ARID1B: variants seen among roughly 807,000 people sequenced by gnomAD.
The protein encoded by ARID1B is AT-rich interactive domain-containing protein 1B.
A neutral mutation model predicts 212.3 loss-of-function variants in ARID1B; 30 were observed. That is an observed-to-expected ratio of 0.14 (90% confidence interval 0.11 to 0.19). ARID1B has a LOEUF of 0.19. ARID1B is among the 10% of genes least tolerant of loss of function. The pLI is 1.00. For synonymous variants in ARID1B, 1,402 were observed against 1,301.7 expected (o/e 1.08, Z -1.66); for missense variants, 2,891 against 3,204.0 (o/e 0.90, Z 2.36).
chr6:157,106,171 C>T lies in ARID1B; in HGVS notation c.2492-4301C>T, dbSNP rs367931317. Among the ~76,000 whole-genome samples, 34 of 152,182 alleles carry T rather than the reference C, an allele frequency of 2.2e-4. No homozygotes were observed. In the East Asian group the frequency reaches 3.5e-3, roughly 16 times the overall value. On this transcript the variant is annotated intron_variant, in intron 5 of 19. Coordinates refer to ENST00000636930, the MANE Select transcript of ARID1B (RefSeq NM_001374828.1). The stretch of plus-strand genomic sequence containing the variant: ...TGTTGAGTAAACTATGGAGCACTCA[C>T]ATAAAGGGGTGCTGGGGAGCCCAGG...
In ARID1B at chr6:156,777,980, G is replaced by C. The variant is rs1338360290; in HGVS notation, c.300G>C (p.Lys100Asn). ...AAAAAGTHSAKSGGSEAALKE... is the reference protein window; with the variant it reads ...AAAAAGTHSANSGGSEAALKE... ...CCGCCGCCGGCACCCACAGCGCCAA[G>C]AGCGGCGGCTCCGAGGCGGCTCTCA... The change falls in exon 1 of 20, where the codon AAG (lysine) becomes AAC (asparagine). Residue 100 changes from lysine to asparagine, a missense_variant. Physicochemically the swap from Lys to Asn is moderately conservative, Grantham distance 94. This residue lies in a region of ARID1B where 1,643 missense variants were observed against 1,544.0 expected (regional missense o/e 1.06). Coordinates refer to ENST00000636930, the MANE Select transcript of ARID1B (RefSeq NM_001374828.1). 2 of 1,531,290 alleles carry C rather than the reference G, an allele frequency of 1.3e-6. No homozygotes were observed. Among genetic ancestry groups the C allele is most frequent in the Non-Finnish European group, 1.7e-6 (2 of 1,144,938 alleles). 94.9% of individuals were successfully genotyped at this position (1,531,290 alleles called of 1,614,324 possible).
intron 4 of ARID1B, chr6:157,072,603 T>C (rs1001126219): frequency 4.6e-5 from 7 of 152,342 alleles, no homozygotes; most frequent in African/African-American, 9.6e-5. Context: ...TTCTATATAC[T>C]TTTAAATTGC....
At chr6:157,048,668 T>C (rs1782395431) in intron 4 of ARID1B, among the ~76,000 whole-genome samples, 1 of 152,210 alleles carries the variant, frequency 6.6e-6, no homozygotes, top group Non-Finnish European at 1.5e-5. Context: ...AAGTTCTAAA[T>C]AATAAGAGTA....
chr6:157,000,185 C>T (rs1244397092), intron 4 of ARID1B, among the ~76,000 whole-genome samples: 1 of 152,098 alleles, frequency 6.6e-6, no homozygotes, highest in Admixed American at 6.6e-5. Context: ...ACTGGAGATG[C>T]GTCCTGGGAG....
In ARID1B at chr6:157,035,494, A is replaced by G. The variant is rs117219737; in HGVS notation, c.2248-49168A>G. ...CAGGGCTTGGGAAATTCAAACATGT[A>G]ATCTTTTTTCCTTTTCTTAAATGAA... On this transcript the variant is annotated intron_variant, in intron 4 of 19. Transcript: ENST00000636930. 1.9e-3 allele frequency among the ~76,000 whole-genome samples: 288 copies of G among 152,314 alleles called. 7 individuals carry two copies. The East Asian group carries it at 0.045, about 24-fold the overall frequency.
chr6:157,047,939 A>G (rs193167054), intron 4 of ARID1B, among the ~76,000 whole-genome samples: 1 of 152,350 alleles, frequency 6.6e-6, no homozygotes, highest in African/African-American at 2.4e-5. Context: ...CTGTGATCAT[A>G]TTAGTAATCA....
intron 13 of ARID1B, among the ~76,000 whole-genome samples, chr6:157,187,888 G>A (rs953150092): frequency 1.3e-5 from 2 of 151,886 alleles, no homozygotes; most frequent in African/African-American, 4.8e-5. Context: ...GGAGGCTGTC[G>A]GCTGGAGCGG....
At chr6:157,024,783 A>G (rs903421960) in intron 4 of ARID1B, 1 of 151,832 alleles carries the variant, frequency 6.6e-6, no homozygotes, top group South Asian at 2.1e-4. Context: ...AAAACAAAAA[A>G]GAAAAAAAAA....
chr6:156,875,994 T>C (rs1358385224), intron 2 of ARID1B, among the ~76,000 whole-genome samples: 1 of 152,242 alleles, frequency 6.6e-6, no homozygotes, highest in Non-Finnish European at 1.5e-5. Flanking sequence ...AAGTGTACTG[T>C]TGAATATTCC....
intron 2 of ARID1B, among the ~76,000 whole-genome samples, chr6:156,847,396 G>A (rs1230190771): frequency 6.6e-6 from 1 of 152,208 alleles, no homozygotes; most frequent in Non-Finnish European, 1.5e-5. Flanking sequence ...CTCAGGAAGT[G>A]CTGCTCAGGG....
chr6:156,915,542 T>A (rs1582940862), intron 3 of ARID1B, among the ~76,000 whole-genome samples: 3 of 150,500 alleles, frequency 2.0e-5, no homozygotes, highest in Middle Eastern at 3.5e-3. Context: ...CACTGCAGCC[T>A]CGGTGACAGA....
intron 4 of ARID1B, chr6:156,942,618 A>G: frequency 6.6e-6 from 1 of 151,734 alleles, no homozygotes. Flanking sequence ...TATGCTAAAA[A>G]GAAAAAAAAA....
chr6:157,029,467 A>G (rs961264107), intron 4 of ARID1B, among the ~76,000 whole-genome samples: 10 of 152,236 alleles, frequency 6.6e-5, no homozygotes, highest in African/African-American at 2.4e-4. Context: ...GCACTCTTCC[A>G]GGTAAGAGAC....
chr6:157,160,563 C>T (rs893185278), intron 8 of ARID1B, among the ~76,000 whole-genome samples: 2 of 152,114 alleles, frequency 1.3e-5, no homozygotes, highest in African/African-American at 2.4e-5. Flanking sequence ...TTCTTGCCTC[C>T]GATGTGTTCT....
chr6:156,840,374 C>G (rs914804577), intron 2 of ARID1B, among the ~76,000 whole-genome samples: 2 of 152,252 alleles, frequency 1.3e-5, no homozygotes, highest in Non-Finnish European at 2.9e-5. Flanking sequence ...CTGAACCTCA[C>G]TTGTCTGATC....
Position 157,127,279 on chromosome 6 carries a change from C to T in ARID1B, c.2582-5749C>T, listed in dbSNP as rs112741308. 9.7e-3 allele frequency among the ~76,000 whole-genome samples: 1,477 copies of T among 152,256 alleles called. 26 individuals are homozygous for T. Among genetic ancestry groups the T allele is most frequent in the African/African-American group, 0.033 (1,372 of 41,528 alleles). On this transcript the variant is annotated intron_variant, in intron 6 of 19. Coordinates refer to ENST00000636930, the MANE Select transcript of ARID1B (RefSeq NM_001374828.1). Reference sequence around the variant, plus strand: ...CACTGGCTAGAATCTGCACAGCAGACGTGGAGGCCAGGATGAGATCCTCGC... The same window carrying T: ...CACTGGCTAGAATCTGCACAGCAGATGTGGAGGCCAGGATGAGATCCTCGC...
In ARID1B at chr6:156,969,933, C is replaced by T. The variant is rs375134427; in HGVS notation, c.2247+34357C>T. The stretch of plus-strand genomic sequence containing the variant: ...TTGCATTGACTGGTATCAGGTAAAC[C>T]AGCACTAGATTAAAGCAATTCAGAC... On this transcript the variant is annotated intron_variant, in intron 4 of 19. Transcript: ENST00000636930. Among the ~76,000 whole-genome samples the T allele has an allele frequency of 5.7e-4, 85 of 149,014 alleles. 2 individuals are homozygous for T. In the South Asian group the frequency reaches 0.017, roughly 30 times the overall value.
chr6:156,797,742 AG>A (rs1780486603), intron 1 of ARID1B, among the ~76,000 whole-genome samples: 1 of 152,156 alleles, frequency 6.6e-6, no homozygotes, highest in Non-Finnish European at 1.5e-5. Flanking sequence ...GAAGGAAAAG[AG>A]GGATGTGCAG....
At chr6:156,841,689 A>C (rs1471427962) in intron 2 of ARID1B, among the ~76,000 whole-genome samples, 1 of 152,072 alleles carries the variant, frequency 6.6e-6, no homozygotes, top group Non-Finnish European at 1.5e-5. Flanking sequence ...TTGAGGGCTT[A>C]CTCTGGGTCA....
Sources: allele counts gnomAD v4.1 joint callset (sites outside exome capture counted in the v4.1 genomes callset), GRCh38; gene constraint gnomAD v4.1.1; regional missense constraint gnomAD v4.1.1; transcripts MANE v1.5; gene names NCBI Gene and HGNC (gene_info 2026-07-23, HGNC 2026-07-21).